The following PLD5 variants were observed in gnomAD, a reference collection of about 807,000 sequenced individuals.
The protein encoded by PLD5 is phospholipase D family member 5, also known as inactive phospholipase D5.
A neutral mutation model predicts 61.1 loss-of-function variants in PLD5; 36 were observed. The ratio of observed to expected loss-of-function variants is 0.59; its 90% CI spans 0.45 to 0.78. PLD5 has a LOEUF of 0.78. PLD5 is among the 30% of genes least tolerant of loss of function. The pLI, the probability that PLD5 is intolerant of heterozygous loss-of-function variation, is 0.00. For synonymous variants in PLD5, 243 were observed against 242.8 expected (o/e 1.00, Z -0.01); for missense variants, 515 against 644.4 (o/e 0.80, Z 2.17).
At chr1:242,235,253 T>G (rs541001862) in intron 4 of PLD5, among the ~76,000 whole-genome samples, 1 of 152,318 alleles carries the variant, frequency 6.6e-6, no homozygotes, top group South Asian at 2.1e-4. Flanking sequence ...ATCTGCTGAA[T>G]GAATGAATGA....
intron 2 of PLD5, among the ~76,000 whole-genome samples, chr1:242,335,508 A>G (rs1659451315): frequency 6.6e-6 from 1 of 152,202 alleles, no homozygotes; most frequent in South Asian, 2.1e-4. Flanking sequence ...TCAAGTCAAA[A>G]TACGATAGTT....
intron 1 of PLD5, among the ~76,000 whole-genome samples, chr1:242,500,371 G>A (rs1432203314): frequency 6.6e-6 from 1 of 152,198 alleles, no homozygotes; most frequent in Non-Finnish European, 1.5e-5. Context: ...ATGTATTTCT[G>A]ATAATCAACT....
At chr1:242,526,964 A>G (rs773287481), upstream of PLD5, among the ~76,000 whole-genome samples, 2 of 152,178 alleles carry the variant, frequency 1.3e-5, no homozygotes, top group Non-Finnish European at 2.9e-5. Flanking sequence ...TAGATATCCA[A>G]TTCAGAGTAA....
chr1:242,100,060 G>A (rs558591860), intron 9 of PLD5, among the ~76,000 whole-genome samples: 1 of 152,250 alleles, frequency 6.6e-6, no homozygotes, highest in African/African-American at 2.4e-5. Flanking sequence ...AAAATAGCTA[G>A]CATTAATTGG....
chr1:242,451,952 C>T (rs1436525102), intron 1 of PLD5, among the ~76,000 whole-genome samples: 1 of 152,176 alleles, frequency 6.6e-6, no homozygotes, highest in African/African-American at 2.4e-5. Context: ...ACCTCCAGGC[C>T]TTTGCACACA....
intron 5 of PLD5, among the ~76,000 whole-genome samples, chr1:242,155,977 G>T (rs1256851779): frequency 6.6e-6 from 1 of 152,086 alleles, no homozygotes. Context: ...ATTATTGTGT[G>T]GGAGTCTAAG....
At chr1:242,176,588 A>G (rs1199993471) in intron 5 of PLD5, among the ~76,000 whole-genome samples, 1 of 152,212 alleles carries the variant, frequency 6.6e-6, no homozygotes, top group Non-Finnish European at 1.5e-5. Flanking sequence ...GACAAATGGG[A>G]CTTAATTACA....
chr1:242,341,636 A>G (rs1326190889), intron 2 of PLD5, among the ~76,000 whole-genome samples: 1 of 138,276 alleles, frequency 7.2e-6, no homozygotes, highest in East Asian at 2.1e-4. Flanking sequence ...GATCTAGGAC[A>G]CTCCTTATTG....
At chr1:242,143,771 G>A (rs1024452209) in intron 5 of PLD5, among the ~76,000 whole-genome samples, 3 of 152,094 alleles carry the variant, frequency 2.0e-5, no homozygotes, top group African/African-American at 7.2e-5. Context: ...ACTAGAGGGG[G>A]CTGATACTGA....
chr1:242,201,627 T>A (rs1668993368), intron 5 of PLD5, among the ~76,000 whole-genome samples: 1 of 152,110 alleles, frequency 6.6e-6, no homozygotes, highest in African/African-American at 2.4e-5. Flanking sequence ...GTTCAAGTGA[T>A]CCTCTTACCT....
chr1:242,098,254 C>T (rs948848271), intron 9 of PLD5, among the ~76,000 whole-genome samples: 14 of 152,128 alleles, frequency 9.2e-5, no homozygotes, highest in South Asian at 8.3e-4. Flanking sequence ...AGGCTTTGTT[C>T]GTTTCTTTTT....
chr1:242,363,966 T>G (rs2149239437), intron 1 of PLD5, among the ~76,000 whole-genome samples: 1 of 152,276 alleles, frequency 6.6e-6, no homozygotes, highest in South Asian at 2.1e-4. Context: ...TATATGTCCT[T>G]GCAGTCTCTG....
intron 5 of PLD5, among the ~76,000 whole-genome samples, chr1:242,180,899 C>G (rs1307267973): frequency 5.9e-5 from 9 of 152,106 alleles, no homozygotes; most frequent in Non-Finnish European, 4.4e-5. Context: ...AGGAGGGTCA[C>G]CTGAGCCCAG....
intron 5 of PLD5, among the ~76,000 whole-genome samples, chr1:242,127,453 T>A (rs534945464): frequency 2.0e-5 from 3 of 152,300 alleles, no homozygotes; most frequent in South Asian, 2.1e-4. Flanking sequence ...TATATGCATA[T>A]GTTGGAATAC....
At chr1:242,223,694 T>C (rs973376114) in intron 4 of PLD5, among the ~76,000 whole-genome samples, 1 of 152,228 alleles carries the variant, frequency 6.6e-6, no homozygotes, top group Admixed American at 6.5e-5. Context: ...TGAAAATATT[T>C]ATGATACATC....
At chr1:242,448,315 A>G (rs1471224906) in intron 1 of PLD5, among the ~76,000 whole-genome samples, 1 of 152,154 alleles carries the variant, frequency 6.6e-6, no homozygotes, top group Non-Finnish European at 1.5e-5. Context: ...TGGAAAGGCA[A>G]ACTCACTTCT....
At chr1:242,403,881 T>TTCAAAC (rs1353018812) in intron 1 of PLD5, among the ~76,000 whole-genome samples, 3 of 151,856 alleles carry the variant, frequency 2.0e-5, no homozygotes, top group African/African-American at 7.3e-5. Flanking sequence ...GAGTTTGAAC[T>TTCAAAC]AGATGAACTC....
intron 4 of PLD5, among the ~76,000 whole-genome samples, chr1:242,259,626 A>G (rs1372146581): frequency 6.6e-6 from 1 of 152,156 alleles, no homozygotes; most frequent in Non-Finnish European, 1.5e-5. Context: ...CACTGATTCT[A>G]AATCTTCTAT....
intron 9 of PLD5, among the ~76,000 whole-genome samples, chr1:242,091,797 G>T (rs1659845301): frequency 6.6e-6 from 1 of 150,758 alleles, no homozygotes. Context: ...TAGCTGAGTA[G>T]CTTTATTCTT....
Sources: allele counts gnomAD v4.1 joint callset (sites outside exome capture counted in the v4.1 genomes callset), GRCh38; gene constraint gnomAD v4.1.1; transcripts MANE v1.5; gene names NCBI Gene and HGNC (gene_info 2026-07-23, HGNC 2026-07-21).